The following LDB3 variants were observed in gnomAD, a reference collection of about 807,000 sequenced individuals.
LDB3 encodes LIM domain binding 3.
LDB3 carries 49 observed loss-of-function variants against 69.0 expected under a neutral mutation model. That is an observed-to-expected ratio of 0.71 (90% CI 0.56 to 0.90). LDB3 has a LOEUF of 0.90. Among genes scored for constraint, LDB3 ranks in the 40% least tolerant of loss-of-function variants. The pLI is 0.00. For synonymous variants in LDB3, 387 were observed against 396.2 expected, an observed-to-expected ratio of 0.98 and a Z score of 0.28; for missense variants, 928 against 974.1, an observed-to-expected ratio of 0.95 and a Z score of 0.63.
At chr10:86,684,038 C>T (rs942827148) in intron 5 of LDB3, among the ~76,000 whole-genome samples, 10 of 152,354 alleles carry the variant, frequency 6.6e-5, no homozygotes, top group South Asian at 4.1e-4. Flanking sequence ...AAGCCCCTTC[C>T]GCTACTCTCT....
chr10:86,691,869 C>A (rs1157220959), intron 5 of LDB3, 27 bp from the exon 6 acceptor site: 1 of 1,613,576 alleles, frequency 6.2e-7, no homozygotes, highest in East Asian at 2.2e-5. Flanking sequence ...GCCTAGCCCT[C>A]GCCCACGGCC....
intron 5 of LDB3, among the ~76,000 whole-genome samples, chr10:86,689,447 A>G (rs1653074183): frequency 6.6e-6 from 1 of 152,202 alleles, no homozygotes; most frequent in African/African-American, 2.4e-5. Flanking sequence ...CTTTACAGGC[A>G]AGTACTTGTC....
At chr10:86,690,273 G>T (rs1432058228) in intron 5 of LDB3, among the ~76,000 whole-genome samples, 1 of 152,170 alleles carries the variant, frequency 6.6e-6, no homozygotes, top group Non-Finnish European at 1.5e-5. Flanking sequence ...GGACCAGGGA[G>T]ACCTGGTTGT....
intron 13 of LDB3, among the ~76,000 whole-genome samples, chr10:86,727,832 C>CTT (rs928374489): frequency 6.7e-5 from 9 of 134,370 alleles, no homozygotes; most frequent in Non-Finnish European, 8.2e-5. Flanking sequence ...TGTGGGTCTC[C>CTT]TTTTTTTTTT....
rs1360307628 is a variant in LDB3 at position 86,681,686 on chromosome 10, A to G, written c.572A>G (p.Gln191Arg). 5.0e-6 allele frequency: 8 copies of G among 1,613,606 alleles called. No individual in the cohort carries two copies. The South Asian group carries it at 8.8e-5, about 18-fold the overall frequency. Residue 191 changes from glutamine (Q) to arginine (R), a missense_variant, in exon 5 of 14, where the codon CAG becomes CGG. By Grantham distance (43) the Gln-to-Arg change is conservative. Transcript: ENST00000361373. ...LGPKALPGSS[Q>R]PRQYNNPIGL... is the part of the protein sequence containing the mutation. ...CCAAAAGCCCTGCCGGGCTCGAGCC[A>G]GCCGAGGCAATATAACAACCCCATT... is the stretch of plus-strand genomic sequence containing the variant.
At chr10:86,697,647 G>A (rs12414832) in intron 7 of LDB3, among the ~76,000 whole-genome samples, 22,602 of 144,912 alleles carry the variant, frequency 0.16, 1,932 homozygotes, top group Admixed American at 0.22. Context: ...TCCGCCTCCC[G>A]GGTTCAAGTG....
At chr10:86,723,047 C>T (rs886114501) in intron 12 of LDB3, among the ~76,000 whole-genome samples, 1 of 151,584 alleles carries the variant, frequency 6.6e-6, no homozygotes, top group African/African-American at 2.4e-5. Context: ...CAGGAGGACC[C>T]CTTGAGCCCA....
rs1847571764 is a variant in LDB3 at position 86,734,780 on chromosome 10, T to C, written c.*1804T>C. The C allele has an allele frequency of 6.6e-6, 1 of 152,090 alleles. No individual in the cohort carries two copies. Among genetic ancestry groups the C allele is most frequent in the Admixed American group, 6.6e-5 (1 of 15,252 alleles). 9.4% of individuals were successfully genotyped at this position (152,090 alleles called of 1,614,324 possible). ...AGGGCCCTTCCTACCTTTGGATCTG[T>C]GAGAAGGTGAATACAAAGCAGCAGG... On this transcript the variant is annotated 3_prime_UTR_variant, in exon 14 of 14. Transcript: ENST00000361373.
chr10:86,715,180 C>T (rs949780194), intron 9 of LDB3, among the ~76,000 whole-genome samples: 3 of 151,848 alleles, frequency 2.0e-5, no homozygotes, highest in Non-Finnish European at 4.4e-5. Context: ...GGGGCAGAGG[C>T]GGGGTGTGGG....
At chr10:86,674,456 C>T (rs908535339) in intron 2 of LDB3, among the ~76,000 whole-genome samples, 1 of 152,164 alleles carries the variant, frequency 6.6e-6, no homozygotes, top group Non-Finnish European at 1.5e-5. Flanking sequence ...GACCTTGGCC[C>T]AGCAAGGCGG....
At chr10:86,691,384 C>T (rs1208955907) in intron 5 of LDB3, among the ~76,000 whole-genome samples, 1 of 152,182 alleles carries the variant, frequency 6.6e-6, no homozygotes, top group Non-Finnish European at 1.5e-5. Flanking sequence ...CAGAGTCAGC[C>T]TACTCACACT....
intron 7 of LDB3, among the ~76,000 whole-genome samples, chr10:86,698,516 G>A (rs372832013): frequency 6.6e-6 from 1 of 152,070 alleles, no homozygotes; most frequent in Admixed American, 6.5e-5. Context: ...TCATTCCCAC[G>A]TTTCTGACTG....
intron 2 of LDB3, among the ~76,000 whole-genome samples, chr10:86,678,670 C>T (rs1844940338): frequency 6.6e-6 from 1 of 151,512 alleles, no homozygotes; most frequent in Non-Finnish European, 1.5e-5. Flanking sequence ...ACAGAGTCTC[C>T]CTCTGTCACC....
intron 10 of LDB3, among the ~76,000 whole-genome samples, chr10:86,717,595 T>C (rs898899587): frequency 4.6e-5 from 7 of 152,212 alleles, no homozygotes; most frequent in Admixed American, 3.9e-4. Flanking sequence ...ATTAAGCAAG[T>C]TAATAAATGC....
At chr10:86,700,934 C>T (rs1846236350) in intron 7 of LDB3, among the ~76,000 whole-genome samples, 1 of 152,250 alleles carries the variant, frequency 6.6e-6, no homozygotes, top group Non-Finnish European at 1.5e-5. Flanking sequence ...TCAAGGCTGT[C>T]CTGCCTTTTC....
intron 9 of LDB3, among the ~76,000 whole-genome samples, chr10:86,713,941 G>A (rs1846766950): frequency 6.6e-6 from 1 of 152,092 alleles, no homozygotes; most frequent in Admixed American, 6.6e-5. Context: ...CCAACCCTAG[G>A]CGCTACCAGT....
At chr10:86,732,374 A>C (rs1847498380) in intron 13 of LDB3, 1 of 371,170 alleles carries the variant, frequency 2.7e-6, no homozygotes, top group Non-Finnish European at 5.2e-6. Context: ...ATTTGATTTT[A>C]TTCTGTTCTT....
Position 86,706,589 on chromosome 10 carries a change from G to C in LDB3, c.955G>C (p.Ala319Pro). The change falls in exon 8 of 14, where the codon GCT becomes CCT. Residue 319 changes from alanine (A) to proline (P), a missense_variant. Transcript: ENST00000361373. ...CCAGGCCACCACCCCGCTGCTGCCC[G>C]CTTCTGCCCAGCCACCTGCTGCTGC... ...TSQATTPLLP[A>P]SAQPPAAASP... The C allele has an allele frequency of 6.2e-7, 1 of 1,613,064 alleles. No homozygotes were observed. The highest frequency in any genetic ancestry group is 8.5e-7 in the Non-Finnish European group (1 of 1,179,934).
intron 7 of LDB3, among the ~76,000 whole-genome samples, chr10:86,695,102 T>C (rs1321199914): frequency 6.6e-6 from 1 of 151,768 alleles, no homozygotes; most frequent in African/African-American, 2.4e-5. Flanking sequence ...TGGTGACACC[T>C]ACACAGTCTT....
Sources: gnomAD v4.1 joint callset for allele counts (sites outside exome capture counted in the v4.1 genomes callset) on GRCh38, gnomAD v4.1.1 for gene constraint, MANE v1.5 for transcripts, NCBI Gene and HGNC (gene_info 2026-07-23, HGNC 2026-07-21) for gene names.